Variants in IFRD1 observed in about 807,000 individuals in gnomAD.
IFRD1 encodes interferon-related developmental regulator 1.
In IFRD1, 35 loss-of-function variants were observed where a neutral mutation model predicts 52.9. That is an observed-to-expected ratio of 0.66 (90% CI 0.51 to 0.88). The LOEUF is 0.88. IFRD1 is among the 40% of genes least tolerant of loss of function. IFRD1 has a pLI of 0.00. For synonymous variants in IFRD1, 184 were observed against 188.4 expected, an observed-to-expected ratio of 0.98 and a Z score of 0.19; for missense variants, 517 against 550.8, an observed-to-expected ratio of 0.94 and a Z score of 0.61.
Position 112,450,732 on chromosome 7 carries a change from G to T in IFRD1, c.44G>T (p.Ser15Ile). The T allele has an allele frequency of 8.7e-6, 14 of 1,612,910 alleles. No homozygotes were observed. The highest frequency in any genetic ancestry group is 1.1e-5 in the Non-Finnish European group (13 of 1,179,916). Residue 15 changes from serine (S) to isoleucine (I), a missense_variant, in exon 1 of 12, where the codon AGT becomes ATT. Physicochemically the swap from Ser to Ile is moderately radical, Grantham distance 142 (BLOSUM62 -2). Coordinates refer to ENST00000403825, the MANE Select transcript of IFRD1 (RefSeq NM_001550.4). ...CGGAACACTCCCCACCGCGGTAGCAGTGCTGGCGGCGGCGGGTCAGGAGCA... is the reference window on the plus strand; with the variant it reads ...CGGAACACTCCCCACCGCGGTAGCATTGCTGGCGGCGGCGGGTCAGGAGCA... The part of the protein sequence containing the change: ...KKRNTPHRGS[S>I]AGGGGSGAAA...
intron 1 of IFRD1, among the ~76,000 whole-genome samples, chr7:112,453,621 A>C (rs1795218294): frequency 6.6e-6 from 1 of 152,208 alleles, no homozygotes; most frequent in African/African-American, 2.4e-5. Flanking sequence ...GATGACACTC[A>C]TCTGTTGCCA....
intron 1 of IFRD1, among the ~76,000 whole-genome samples, chr7:112,442,364 T>C (rs1794911727): frequency 6.6e-6 from 1 of 152,226 alleles, no homozygotes; most frequent in African/African-American, 2.4e-5. Flanking sequence ...ATATAAGGAG[T>C]ATCTCATCAT....
chr7:112,428,920 G>T (rs1794488404), intron 1 of IFRD1, among the ~76,000 whole-genome samples: 1 of 152,088 alleles, frequency 6.6e-6, no homozygotes, highest in African/African-American at 2.4e-5. Context: ...CTTCTCAAAA[G>T]CTATTGTCAT....
At chr7:112,458,587 A>G (rs892986464) in intron 4 of IFRD1, among the ~76,000 whole-genome samples, 1 of 152,194 alleles carries the variant, frequency 6.6e-6, no homozygotes, top group African/African-American at 2.4e-5. Flanking sequence ...ATAGATACTA[A>G]TCTCCATTTT....
intron 1 of IFRD1, among the ~76,000 whole-genome samples, chr7:112,455,482 C>CA (rs1392259802): frequency 2.1e-5 from 3 of 144,378 alleles, no homozygotes; most frequent in Admixed American, 7.3e-5. Context: ...GGCTCTGTCT[C>CA]AAAAAAACAA....
chr7:112,465,852 A>G (rs1347068010), intron 8 of IFRD1, among the ~76,000 whole-genome samples: 1 of 152,100 alleles, frequency 6.6e-6, no homozygotes, highest in East Asian at 1.9e-4. Flanking sequence ...AGTTCTATAT[A>G]CCTCCAAGTC....
chr7:112,437,273 C>T (rs528031185), intron 1 of IFRD1: 66 of 154,836 alleles, frequency 4.3e-4, no homozygotes, highest in Admixed American at 2.0e-3. Flanking sequence ...TGGAGTGTCT[C>T]CTACTTTTCA....
At chr7:112,454,483 G>A (rs569699662) in intron 1 of IFRD1, among the ~76,000 whole-genome samples, 4 of 152,196 alleles carry the variant, frequency 2.6e-5, no homozygotes, top group Admixed American at 6.5e-5. Context: ...GTGAGCCACC[G>A]CACCCGGCCA....
chr7:112,428,454 T>C (rs1314793279), intron 1 of IFRD1, among the ~76,000 whole-genome samples: 1 of 152,168 alleles, frequency 6.6e-6, no homozygotes, highest in Admixed American at 6.5e-5. Flanking sequence ...CAGGTAGATC[T>C]AAGGTACTGG....
At chr7:112,454,442 C>T (rs1795239240) in intron 1 of IFRD1, among the ~76,000 whole-genome samples, 1 of 152,168 alleles carries the variant, frequency 6.6e-6, no homozygotes, top group South Asian at 2.1e-4. Flanking sequence ...ATCTGCCGGC[C>T]TCAGCCTCCC....
chr7:112,429,159 C>T (rs986876533), intron 1 of IFRD1, among the ~76,000 whole-genome samples: 3 of 152,158 alleles, frequency 2.0e-5, no homozygotes, highest in African/African-American at 7.2e-5. Flanking sequence ...TGTTTGTCTC[C>T]CATATTCTTG....
intron 6 of IFRD1, 33 bp from the exon 7 acceptor site, chr7:112,461,968 A>G (rs1432602430): frequency 1.9e-6 from 3 of 1,602,080 alleles, no homozygotes; most frequent in Non-Finnish European, 2.6e-6. Context: ...CTAATTTAAG[A>G]TGGTTATCTT....
intron 8 of IFRD1, among the ~76,000 whole-genome samples, chr7:112,463,851 TATACAC>T (rs1290657941): frequency 0.046 from 1,242 of 26,924 alleles, 16 homozygotes; most frequent in African/African-American, 0.26. Context: ...TACACATTTA[TATACAC>T]ACACACACAC....
In IFRD1 at chr7:112,450,733, T is replaced by A; in HGVS notation, c.45T>A (p.Ser15Arg). Residue 15 changes from serine (S) to arginine (R), a missense_variant, in exon 1 of 12, where the codon AGT becomes AGA. Transcript: ENST00000403825. ...KKRNTPHRGSSAGGGGSGAAA... is the reference protein window; with the variant it reads ...KKRNTPHRGSRAGGGGSGAAA... ...GGAACACTCCCCACCGCGGTAGCAGTGCTGGCGGCGGCGGGTCAGGAGCAG... is the reference window on the plus strand; with the variant it reads ...GGAACACTCCCCACCGCGGTAGCAGAGCTGGCGGCGGCGGGTCAGGAGCAG... The A allele has an allele frequency of 1.2e-6, 2 of 1,612,746 alleles. No individual in the cohort carries two copies. Among genetic ancestry groups the A allele is most frequent in the South Asian group, 2.2e-5 (2 of 91,072 alleles).
chr7:112,468,658 C>T (rs1166292088), intron 9 of IFRD1, among the ~76,000 whole-genome samples: 1 of 152,114 alleles, frequency 6.6e-6, no homozygotes, highest in African/African-American at 2.4e-5. Flanking sequence ...ACCACCATAT[C>T]CGGCTAATTT....
chr7:112,460,911 C>T (rs1795417955), intron 5 of IFRD1, among the ~76,000 whole-genome samples: 1 of 152,126 alleles, frequency 6.6e-6, no homozygotes, highest in African/African-American at 2.4e-5. Flanking sequence ...TCTCAGATTA[C>T]AAATTCTATT....
chr7:112,464,644 G>C (rs1159996967), intron 8 of IFRD1, among the ~76,000 whole-genome samples: 1 of 152,234 alleles, frequency 6.6e-6, no homozygotes, highest in Non-Finnish European at 1.5e-5. Flanking sequence ...GCATTTGGCA[G>C]TAGTCTACTA....
At chr7:112,425,695 T>A (rs191805038) in intron 1 of IFRD1, among the ~76,000 whole-genome samples, 95 of 152,268 alleles carry the variant, frequency 6.2e-4, no homozygotes, top group Non-Finnish European at 1.1e-3. Flanking sequence ...ACCTCTGTGA[T>A]CATATGAGTC....
upstream of IFRD1, among the ~76,000 whole-genome samples, chr7:112,447,379 G>C (rs1795053134): frequency 6.6e-6 from 1 of 152,218 alleles, no homozygotes; most frequent in South Asian, 2.1e-4. Flanking sequence ...ATTAGAGCAT[G>C]AGAGTATTTT....
Sources: gnomAD v4.1 joint callset for allele counts (sites outside exome capture counted in the v4.1 genomes callset) on GRCh38, gnomAD v4.1.1 for gene constraint, MANE v1.5 for transcripts, NCBI Gene and HGNC (gene_info 2026-07-23, HGNC 2026-07-21) for gene names.